TMEM123: variants seen among roughly 807,000 people sequenced by gnomAD.
The protein encoded by TMEM123 is porimin.
In TMEM123, 16 loss-of-function variants were observed where a neutral mutation model predicts 19.7. The observed-to-expected ratio is 0.81, with a 90% confidence interval of 0.55 to 1.23. The LOEUF is 1.23. Among genes scored for constraint, TMEM123 ranks in the 50% most tolerant of loss-of-function variants. TMEM123 has a pLI of 0.00. For missense variants in TMEM123, 313 were observed against 257.8 expected (o/e 1.21, Z -1.47); for synonymous variants, 118 against 99.4 (o/e 1.19, Z -1.12).
At chr11:102,448,768 C>T in intron 2 of TMEM123, 44 bp downstream of exon 2, 2 of 1,584,006 alleles carry the variant, frequency 1.3e-6, no homozygotes, top group South Asian at 2.2e-5. Context: ...CTTCATGTAC[C>T]CTAGACAAAT....
At chr11:102,446,376 T>TA (rs1470665049) in intron 2 of TMEM123, among the ~76,000 whole-genome samples, 1 of 152,028 alleles carries the variant, frequency 6.6e-6, no homozygotes, top group Non-Finnish European at 1.5e-5. Context: ...TTAGAGGACA[T>TA]AAAAAAATAG....
At chr11:102,404,085 T>G (rs1466956377) in intron 2 of TMEM123, among the ~76,000 whole-genome samples, 2 of 152,260 alleles carry the variant, frequency 1.3e-5, no homozygotes, top group African/African-American at 4.8e-5. Context: ...CCCATTTTAT[T>G]ATATATGTCC....
intron 2 of TMEM123, among the ~76,000 whole-genome samples, chr11:102,431,077 T>C (rs539497805): frequency 3.3e-5 from 5 of 152,142 alleles, no homozygotes; most frequent in Non-Finnish European, 7.4e-5. Context: ...CATAATGAAA[T>C]GTTTTGTAGG....
intron 2 of TMEM123, among the ~76,000 whole-genome samples, chr11:102,444,602 C>T (rs532948968): frequency 6.6e-6 from 1 of 151,936 alleles, no homozygotes; most frequent in South Asian, 2.1e-4. Flanking sequence ...GACGAGTTGA[C>T]GGGTGCAGCA....
intron 2 of TMEM123, among the ~76,000 whole-genome samples, chr11:102,446,620 T>TC (rs1031387277): frequency 1.3e-5 from 2 of 152,222 alleles, no homozygotes; most frequent in African/African-American, 4.8e-5. Context: ...AACATACATA[T>TC]CCTGCATACC....
chr11:102,416,613 A>G (rs973820978), intron 2 of TMEM123, among the ~76,000 whole-genome samples: 3 of 152,116 alleles, frequency 2.0e-5, no homozygotes, highest in Non-Finnish European at 4.4e-5. Context: ...ATTATTCCAA[A>G]AAATTAAGAA....
chr11:102,445,188 T>C (rs1857870591), intron 2 of TMEM123, among the ~76,000 whole-genome samples: 1 of 152,208 alleles, frequency 6.6e-6, no homozygotes, highest in South Asian at 2.1e-4. Context: ...TACCATCAAT[T>C]TTCAGACGCA....
chr11:102,444,124 T>C (rs1857857141), intron 2 of TMEM123, among the ~76,000 whole-genome samples: 1 of 152,246 alleles, frequency 6.6e-6, no homozygotes, highest in Non-Finnish European at 1.5e-5. Flanking sequence ...TCAACCATTG[T>C]GGAAGACAGT....
intron 2 of TMEM123, among the ~76,000 whole-genome samples, chr11:102,429,396 C>T (rs1021861585): frequency 3.3e-5 from 5 of 152,156 alleles, no homozygotes; most frequent in African/African-American, 4.8e-5. Flanking sequence ...TCCTTTACAA[C>T]AGAATGCACT....
At chr11:102,451,808 T>C (rs907097473) in intron 1 of TMEM123, among the ~76,000 whole-genome samples, 6 of 152,230 alleles carry the variant, frequency 3.9e-5, no homozygotes, top group Admixed American at 2.0e-4. Flanking sequence ...ACGACCTTAC[T>C]AGCGACGACA....
At chr11:102,404,110 C>T (rs1198702042) in intron 2 of TMEM123, among the ~76,000 whole-genome samples, 5 of 152,030 alleles carry the variant, frequency 3.3e-5, no homozygotes, top group Non-Finnish European at 5.9e-5. Context: ...ACTTAAGGTA[C>T]ACAGAATTAA....
chr11:102,443,531 A>T (rs943285809), intron 2 of TMEM123, among the ~76,000 whole-genome samples: 5 of 151,704 alleles, frequency 3.3e-5, no homozygotes, highest in Non-Finnish European at 5.9e-5. Flanking sequence ...CTTATACATT[A>T]TACAAAATTT....
chr11:102,435,506 G>A lies in TMEM123; in HGVS notation c.157+13306C>T, dbSNP rs1448825587. 2.6e-5 allele frequency among the ~76,000 whole-genome samples: 4 copies of A among 152,032 alleles called. No homozygotes were observed. In the East Asian group the frequency reaches 7.7e-4, roughly 29 times the overall value. On this transcript the variant is annotated intron_variant, in intron 2 of 4. Transcript: ENST00000398136. ...GCTGGTGTGTATCTAAAATGGTGTA[G>A]CTACTTTGGAAAACAGTTTGGCAGT...
intron 2 of TMEM123, among the ~76,000 whole-genome samples, chr11:102,428,901 G>C (rs1313856114): frequency 6.6e-6 from 1 of 152,178 alleles, no homozygotes; most frequent in African/African-American, 2.4e-5. Flanking sequence ...CTGTGGCTAT[G>C]TGGCCAGTAG....
At chr11:102,443,790 T>C (rs1857852628) in intron 2 of TMEM123, among the ~76,000 whole-genome samples, 1 of 152,070 alleles carries the variant, frequency 6.6e-6, no homozygotes, top group Non-Finnish European at 1.5e-5. Context: ...TTTTTTACAA[T>C]CTACCCATCT....
chr11:102,409,967 T>C (rs1951990013), intron 2 of TMEM123, among the ~76,000 whole-genome samples: 1 of 152,012 alleles, frequency 6.6e-6, no homozygotes, highest in Non-Finnish European at 1.5e-5. Context: ...ACTGTACATT[T>C]TCTGAAAATG....
intron 2 of TMEM123, among the ~76,000 whole-genome samples, chr11:102,444,768 C>T (rs907517917): frequency 6.6e-6 from 1 of 151,976 alleles, no homozygotes; most frequent in African/African-American, 2.4e-5. Context: ...TGGAACCAAC[C>T]CAAATGTCCA....
chr11:102,405,055 C>CT (rs564579359), intron 2 of TMEM123, among the ~76,000 whole-genome samples: 7,912 of 144,468 alleles, frequency 0.055, 242 homozygotes, highest in Non-Finnish European at 0.076. Context: ...TTTCTTTTTT[C>CT]TTTTTTTTTT....
At chr11:102,400,469 G>A (rs1397024617) in intron 4 of TMEM123, among the ~76,000 whole-genome samples, 2 of 152,228 alleles carry the variant, frequency 1.3e-5, no homozygotes, top group African/African-American at 4.8e-5. Flanking sequence ...AACTGTGTGT[G>A]TGGGACACAT....
Sources: gnomAD v4.1 joint callset for allele counts (sites outside exome capture counted in the v4.1 genomes callset) on GRCh38, gnomAD v4.1.1 for gene constraint, MANE v1.5 for transcripts, NCBI Gene and HGNC (gene_info 2026-07-23, HGNC 2026-07-21) for gene names.